The following IGF2BP3 variants were observed in gnomAD, a reference collection of about 807,000 sequenced individuals.
IGF2BP3 encodes the protein insulin-like growth factor 2 mRNA-binding protein 3.
Under a neutral mutation model 73.8 loss-of-function variants are expected in IGF2BP3, and 9 were observed. The observed-to-expected ratio is 0.12, with a 90% CI of 0.07 to 0.21. The LOEUF (loss-of-function observed/expected upper bound fraction) is 0.21. Among genes scored for constraint, IGF2BP3 ranks in the 10% least tolerant of loss-of-function variants. IGF2BP3 has a pLI of 1.00. For synonymous variants in IGF2BP3, 258 were observed against 256.7 expected (o/e 1.01, Z -0.05); for missense variants, 542 against 714.0 (o/e 0.76, Z 2.75).
intron 3 of IGF2BP3, among the ~76,000 whole-genome samples, chr7:23,387,080 A>G (rs1258383421): frequency 6.6e-6 from 1 of 151,926 alleles, no homozygotes; most frequent in East Asian, 1.9e-4. Flanking sequence ...AAAAAAAAGA[A>G]AGAAAGAAAG....
intron 3 of IGF2BP3, among the ~76,000 whole-genome samples, chr7:23,409,277 G>A (rs1786942434): frequency 6.6e-6 from 1 of 152,158 alleles, no homozygotes; most frequent in Non-Finnish European, 1.5e-5. Flanking sequence ...CATACTAAGT[G>A]AAATAAGCCA....
At chr7:23,450,279 T>G (rs1422256797) in intron 2 of IGF2BP3, among the ~76,000 whole-genome samples, 1 of 152,234 alleles carries the variant, frequency 6.6e-6, no homozygotes, top group East Asian at 1.9e-4. Flanking sequence ...ACTGTGCAGT[T>G]GTTTGAGTTG....
intron 2 of IGF2BP3, chr7:23,468,018 T>C (rs1258898089): frequency 5.4e-6 from 1 of 186,368 alleles, no homozygotes; most frequent in Non-Finnish European, 1.1e-5. Flanking sequence ...GGCAAATTCC[T>C]CTCCACTCGG....
chr7:23,444,395 C>T (rs1788006973), intron 2 of IGF2BP3, among the ~76,000 whole-genome samples: 1 of 152,064 alleles, frequency 6.6e-6, no homozygotes, highest in African/African-American at 2.4e-5. Flanking sequence ...TAGTATTTAA[C>T]ATATCACTTT....
chr7:23,445,683 C>T (rs890091761), intron 2 of IGF2BP3, among the ~76,000 whole-genome samples: 7 of 152,182 alleles, frequency 4.6e-5, no homozygotes, highest in Non-Finnish European at 1.0e-4. Flanking sequence ...ATAGATAGCA[C>T]ATCAAAATGC....
rs151107015 is a variant in IGF2BP3 at position 23,415,175 on chromosome 7, G to A, written c.285+3601C>T. ...CAGCTTCACCACATCAGCAGGTCCCGTCCGTCAGTCGGCTTCACTGCAACA... is the reference window on the plus strand; with the variant it reads ...CAGCTTCACCACATCAGCAGGTCCCATCCGTCAGTCGGCTTCACTGCAACA... On this transcript the variant is annotated intron_variant, in intron 3 of 14. Coordinates refer to ENST00000258729, the MANE Select transcript of IGF2BP3 (RefSeq NM_006547.3). 5.2e-3 allele frequency: 1,094 copies of A among 210,844 alleles called. 6 individuals are homozygous for A. The highest frequency in any genetic ancestry group is 0.029 in the Middle Eastern group (14 of 476). The allele number at this position is 210,844 out of a possible 1,614,324, so 13.1% of individuals were successfully genotyped here.
chr7:23,344,196 T>C, intron 8 of IGF2BP3, among the ~76,000 whole-genome samples: 1 of 152,230 alleles, frequency 6.6e-6, no homozygotes, highest in East Asian at 1.9e-4. Flanking sequence ...ACTGGAAAGA[T>C]GTATAGTTTT....
intron 2 of IGF2BP3, among the ~76,000 whole-genome samples, chr7:23,451,336 TGA>T (rs1788190779): frequency 1.3e-5 from 2 of 152,286 alleles, no homozygotes; most frequent in South Asian, 4.2e-4. Context: ...GAGAATCGCT[TGA>T]ACCCAGAAGC....
intron 2 of IGF2BP3, among the ~76,000 whole-genome samples, chr7:23,459,566 C>T (rs907617747): frequency 1.3e-5 from 2 of 152,082 alleles, no homozygotes; most frequent in African/African-American, 4.8e-5. Context: ...GGTGCGGTGA[C>T]TCAAGCCTGT....
intron 12 of IGF2BP3, among the ~76,000 whole-genome samples, chr7:23,316,940 T>A (rs1391890068): frequency 6.6e-6 from 1 of 152,196 alleles, no homozygotes; most frequent in African/African-American, 2.4e-5. Flanking sequence ...GTGTAAACCT[T>A]AAACTACCTT....
At chr7:23,332,337 C>T (rs1268051095) in intron 10 of IGF2BP3, among the ~76,000 whole-genome samples, 3 of 152,218 alleles carry the variant, frequency 2.0e-5, no homozygotes, top group Non-Finnish European at 2.9e-5. Context: ...CCTGTATAAA[C>T]AGATGTACTA....
chr7:23,437,629 A>G (rs943671917), intron 2 of IGF2BP3, among the ~76,000 whole-genome samples: 3 of 152,244 alleles, frequency 2.0e-5, no homozygotes, highest in Non-Finnish European at 4.4e-5. Flanking sequence ...GCTGCTGTAC[A>G]TGAAAAGTTA....
chr7:23,424,104 T>G (rs961494853), intron 2 of IGF2BP3, among the ~76,000 whole-genome samples: 1 of 149,368 alleles, frequency 6.7e-6, no homozygotes. Flanking sequence ...GGCGACAGAG[T>G]GAGACTCCAT....
At chr7:23,318,147 G>A (rs1784042315) in intron 11 of IGF2BP3, among the ~76,000 whole-genome samples, 1 of 152,136 alleles carries the variant, frequency 6.6e-6, no homozygotes, top group Admixed American at 6.5e-5. Flanking sequence ...ACTTGCATCA[G>A]GGCTCCTTGG....
intron 3 of IGF2BP3, among the ~76,000 whole-genome samples, chr7:23,412,904 G>A (rs1488931670): frequency 1.7e-5 from 2 of 118,012 alleles, no homozygotes; most frequent in Non-Finnish European, 3.2e-5. Flanking sequence ...TTGTCACCCA[G>A]GCTGGAGTGC....
intron 10 of IGF2BP3, among the ~76,000 whole-genome samples, chr7:23,325,791 A>G (rs535154937): frequency 1.3e-5 from 2 of 152,136 alleles, no homozygotes; most frequent in Admixed American, 6.6e-5. Flanking sequence ...ACAACTATCT[A>G]ATCTTTGACA....
chr7:23,370,500 CT>C (rs1245805070), intron 3 of IGF2BP3, among the ~76,000 whole-genome samples: 3 of 152,134 alleles, frequency 2.0e-5, no homozygotes, highest in African/African-American at 7.2e-5. Flanking sequence ...TGGGTTACTC[CT>C]TCAATGTGGC....
At chr7:23,456,041 A>G (rs1014485496) in intron 2 of IGF2BP3, among the ~76,000 whole-genome samples, 5 of 152,228 alleles carry the variant, frequency 3.3e-5, no homozygotes, top group African/African-American at 1.2e-4. Flanking sequence ...CTATGAGCAC[A>G]GGCACTTAAT....
intron 3 of IGF2BP3, 127 bp from the exon 4 acceptor site, chr7:23,361,868 G>T: frequency 1.4e-6 from 1 of 730,654 alleles, no homozygotes; most frequent in Non-Finnish European, 2.2e-6. Context: ...TGGGGCTTTG[G>T]ACTGCAGAAC....
Sources: allele counts gnomAD v4.1 joint callset (sites outside exome capture counted in the v4.1 genomes callset), GRCh38; gene constraint gnomAD v4.1.1; transcripts MANE v1.5; gene names NCBI Gene and HGNC (gene_info 2026-07-23, HGNC 2026-07-21).